The following FCRL5 variants were observed in gnomAD, a reference collection of about 807,000 sequenced individuals.
FCRL5 encodes the protein Fc receptor-like protein 5.
FCRL5 carries 79 observed loss-of-function variants against 92.1 expected under a neutral mutation model. The ratio of observed to expected loss-of-function variants is 0.86; its 90% CI spans 0.72 to 1.03. FCRL5 has a LOEUF of 1.03. Ranked by LOEUF, FCRL5 falls within the 50% of genes least tolerant of loss-of-function variation. The pLI is 0.00. For synonymous variants in FCRL5, 466 were observed against 469.3 expected, an observed-to-expected ratio of 0.99 and a Z score of 0.09; for missense variants, 1,160 against 1,181.1, an observed-to-expected ratio of 0.98 and a Z score of 0.26.
At chr1:157,517,838 T>C (rs1649997477) in intron 15 of FCRL5, among the ~76,000 whole-genome samples, 1 of 152,178 alleles carries the variant, frequency 6.6e-6, no homozygotes, top group Non-Finnish European at 1.5e-5. Flanking sequence ...TAAAACCTAA[T>C]CCCCAATGTG....
chr1:157,547,063 CAAGGTACCG>C lies in FCRL5; in HGVS notation c.178_186del (p.Arg60_Leu62del). On this transcript the variant is annotated inframe_deletion, in exon 3 of 17. Transcript: ENST00000361835. ...GGGGTTTCTCTTAGTATTTCTTTCC[CAAGGTACCG>C]ATGGTACCATTTTGTTTTCTGTGGT... 6.2e-7 allele frequency: 1 copy of C among 1,614,152 alleles called. No individual in the cohort carries two copies. The highest frequency in any genetic ancestry group is 8.5e-7 in the Non-Finnish European group (1 of 1,180,046).
chr1:157,535,065 C>G (rs1202014779), intron 7 of FCRL5, among the ~76,000 whole-genome samples, 173 bp from the exon 8 acceptor site: 1 of 152,210 alleles, frequency 6.6e-6, no homozygotes, highest in African/African-American at 2.4e-5. Flanking sequence ...GCTGGTCTTT[C>G]CCTATCTGTT....
rs888771257 is a variant in FCRL5 at position 157,544,606 on chromosome 1, G to C, written c.560-60C>G. On this transcript the variant is annotated intron_variant, in intron 4 of 16. Coordinates refer to ENST00000361835, the MANE Select transcript of FCRL5 (RefSeq NM_031281.3). ...GAGGCTGGAACTGCTTTGGAGAAAA[G>C]CACACTTCAAGCAGCAGCACATCCA... 2.5e-6 allele frequency: 4 copies of C among 1,573,104 alleles called. No individual in the cohort carries two copies. In the African/African-American group the frequency reaches 5.4e-5, roughly 21 times the overall value.
intron 3 of FCRL5, among the ~76,000 whole-genome samples, chr1:157,545,350 G>C (rs1210821776): frequency 6.6e-6 from 1 of 151,912 alleles, no homozygotes; most frequent in Admixed American, 6.6e-5. Context: ...TCAAGTACTT[G>C]GAGCTCATGC....
Position 157,514,079 on chromosome 1 carries a change from C to T in FCRL5, c.*1596G>A, listed in dbSNP as rs1445974773. 1.3e-5 allele frequency: 2 copies of T among 152,230 alleles called. No homozygotes were observed. The highest frequency in any genetic ancestry group is 2.9e-5 in the Non-Finnish European group (2 of 68,064). 9.4% of individuals were successfully genotyped at this position (152,230 alleles called of 1,614,324 possible). On this transcript the variant is annotated 3_prime_UTR_variant, in exon 17 of 17. Transcript: ENST00000361835. ...TGAAAGGTTGGGGCAGCAGAGCCAGCCCTGTCTATCTGGGCAAGGCCCTGA... is the reference window on the plus strand; with the variant it reads ...TGAAAGGTTGGGGCAGCAGAGCCAGTCCTGTCTATCTGGGCAAGGCCCTGA...
intron 7 of FCRL5, among the ~76,000 whole-genome samples, chr1:157,536,987 C>T (rs1650998330): frequency 6.7e-6 from 1 of 150,292 alleles, no homozygotes; most frequent in Admixed American, 6.6e-5. Context: ...CCTGTCTTTA[C>T]TTTAATCTCT....
intron 15 of FCRL5, among the ~76,000 whole-genome samples, chr1:157,516,395 G>T (rs1649935176): frequency 6.6e-6 from 1 of 152,214 alleles, no homozygotes. Context: ...TTACACATAT[G>T]TGTGAGCACA....
Position 157,528,028 on chromosome 1 carries a change from T to C in FCRL5, c.1682-133A>G, listed in dbSNP as rs575788858. On this transcript the variant is annotated intron_variant, in intron 8 of 16. Coordinates refer to ENST00000361835, the MANE Select transcript of FCRL5 (RefSeq NM_031281.3). ...TGGTAAAGAGGAAGAAGTCAAATTG[T>C]TGCTGTTCACTGATGACATGATTGT... The C allele has an allele frequency of 1.2e-5, 13 of 1,079,582 alleles. No individual in the cohort carries two copies. The East Asian group carries it at 3.3e-4, about 28-fold the overall frequency. 66.9% of individuals were successfully genotyped at this position (1,079,582 alleles called of 1,614,324 possible).
intron 2 of FCRL5, among the ~76,000 whole-genome samples, chr1:157,547,790 G>A (rs1169802352): frequency 6.6e-6 from 1 of 152,186 alleles, no homozygotes; most frequent in Non-Finnish European, 1.5e-5. Context: ...TTTGGACAAG[G>A]AGAGGGGTTG....
Position 157,524,333 on chromosome 1 carries a change from C to A in FCRL5, c.2185G>T (p.Ala729Ser), listed in dbSNP as rs775943476. 6.8e-6 allele frequency: 11 copies of A among 1,614,150 alleles called. No homozygotes were observed. Among genetic ancestry groups the A allele is most frequent in the Non-Finnish European group, 9.3e-6 (11 of 1,180,052 alleles). ...TEHSGIYSCEADNGLEAQRSE... is the reference protein window; with the variant it reads ...TEHSGIYSCESDNGLEAQRSE... ...CGCTGGGCCTCCAGACCATTGTCTG[C>A]CTCACAGGAGTAGATTCCAGAATGT... Residue 729 changes from alanine (A) to serine (S), a missense_variant, in exon 10 of 17, where the codon GCA (alanine) becomes TCA (serine). Ala to Ser is a moderately conservative substitution (Grantham distance 99). Coordinates refer to ENST00000361835, the MANE Select transcript of FCRL5 (RefSeq NM_031281.3).
intron 12 of FCRL5, 148 bp from the exon 13 acceptor site, chr1:157,519,918 T>C (rs879189449): frequency 3.7e-6 from 3 of 805,018 alleles, no homozygotes; most frequent in South Asian, 1.6e-5. Context: ...AGGTAGCAGA[T>C]TGGGCAAAAA....
chr1:157,531,614 T>C (rs916591579), intron 8 of FCRL5, among the ~76,000 whole-genome samples: 1 of 152,132 alleles, frequency 6.6e-6, no homozygotes, highest in Non-Finnish European at 1.5e-5. Flanking sequence ...GTGGAATATA[T>C]GCACAATGGA....
intron 2 of FCRL5, 121 bp from the exon 3 acceptor site, chr1:157,547,318 G>C (rs1651597937): frequency 7.6e-7 from 1 of 1,309,632 alleles, no homozygotes; most frequent in Non-Finnish European, 1.1e-6. Flanking sequence ...CCTCTGGGAG[G>C]GTCACTGATA....
intron 3 of FCRL5, 118 bp from the exon 4 acceptor site, chr1:157,545,200 AATT>A: frequency 8.8e-7 from 1 of 1,142,338 alleles, no homozygotes; most frequent in Non-Finnish European, 1.2e-6. Flanking sequence ...CTCTTAAAAT[AATT>A]ATCATTTCTT....
In FCRL5 at chr1:157,524,525, C is replaced by A. The variant is rs769274846; in HGVS notation, c.1993G>T (p.Ala665Ser). 5 of 1,612,256 alleles carry A rather than the reference C, an allele frequency of 3.1e-6. No individual in the cohort carries two copies. The highest frequency in any genetic ancestry group is 4.5e-5 in the East Asian group (2 of 44,862). ...PVSRPILTFR[A>S]PRAQAVVGDL... ...CCCACCACAGCCTGGGCCCTGGGAG[C>A]CCTGAAGGTGAGGATGGGACGAGAT... The change falls in exon 10 of 17, where the codon GCT becomes TCT. Residue 665 changes from alanine (A) to serine (S), a missense_variant. Ala to Ser is a moderately conservative substitution (Grantham distance 99, BLOSUM62 1). Transcript: ENST00000361835.
At chr1:157,534,471 C>T (rs768756723) in intron 8 of FCRL5, 143 bp downstream of exon 8, 3 of 962,920 alleles carry the variant, frequency 3.1e-6, no homozygotes, top group African/African-American at 1.6e-5. Flanking sequence ...ACGGAAAACC[C>T]CAGCTAGTTA....
intron 3 of FCRL5, chr1:157,546,075 T>C (rs1298981585): frequency 4.7e-6 from 1 of 214,920 alleles, no homozygotes; most frequent in Non-Finnish European, 9.6e-6. Context: ...TGTATATTTA[T>C]CTACCTATGC....
chr1:157,534,627 G>T lies in FCRL5; in HGVS notation c.1668C>A (p.Ser556Arg). Reference protein sequence around the residue: ...GFGPQRSEVVSLFVTVPVSRP... With the variant: ...GFGPQRSEVVRLFVTVPVSRP... The stretch of plus-strand genomic sequence containing the variant: ...CCCAGCACTTACCAGTGACAAAAAG[G>T]CTCACCACTTCACTGCGCTGGGGAC... The change falls in exon 8 of 17, where the codon AGC (serine) becomes AGA (arginine). Residue 556 changes from serine to arginine, a missense_variant. Coordinates refer to ENST00000361835, the MANE Select transcript of FCRL5 (RefSeq NM_031281.3). The T allele has an allele frequency of 1.9e-6, 3 of 1,614,152 alleles. No homozygotes were observed. The East Asian group carries it at 6.7e-5, about 36-fold the overall frequency.
intron 7 of FCRL5, among the ~76,000 whole-genome samples, chr1:157,537,001 T>A (rs1474733691): frequency 6.6e-6 from 1 of 152,202 alleles, no homozygotes; most frequent in African/African-American, 2.4e-5. Context: ...AATCTCTTAA[T>A]CCCATCATTT....
Sources: gnomAD v4.1 joint callset for allele counts (sites outside exome capture counted in the v4.1 genomes callset) on GRCh38, gnomAD v4.1.1 for gene constraint, MANE v1.5 for transcripts, NCBI Gene and HGNC (gene_info 2026-07-23, HGNC 2026-07-21) for gene names.